The following ELMO1 variants were observed in gnomAD, a reference collection of about 807,000 sequenced individuals.
The protein encoded by ELMO1 is engulfment and cell motility protein 1.
In ELMO1, 26 loss-of-function variants were observed where a neutral mutation model predicts 98.9. That is an observed-to-expected ratio of 0.26 (90% CI 0.19 to 0.36). The LOEUF is 0.36. Ranked by LOEUF, ELMO1 falls within the 10% of genes least tolerant of loss-of-function variation. The pLI, the probability that ELMO1 is intolerant of heterozygous loss-of-function variation, is 1.00. For synonymous variants in ELMO1, 346 were observed against 346.0 expected (o/e 1.00, Z 0.00); for missense variants, 627 against 935.2 (o/e 0.67, Z 4.30).
chr7:37,343,535 C>T (rs1212341821), intron 1 of ELMO1, among the ~76,000 whole-genome samples: 1 of 140,950 alleles, frequency 7.1e-6, no homozygotes. Context: ...GTTCTGTTGC[C>T]CAGTGGCGCA....
chr7:37,116,423 G>C (rs1036869702), intron 14 of ELMO1, among the ~76,000 whole-genome samples: 1 of 152,166 alleles, frequency 6.6e-6, no homozygotes, highest in Non-Finnish European at 1.5e-5. Flanking sequence ...CTGGGTTGGA[G>C]AAATAATGGA....
chr7:37,223,209 C>G (rs1206169390), intron 9 of ELMO1, among the ~76,000 whole-genome samples: 1 of 152,122 alleles, frequency 6.6e-6, no homozygotes, highest in East Asian at 1.9e-4. Context: ...GTTTATAAAT[C>G]TGATTTTCAC....
At chr7:37,193,819 C>A (rs1025011991) in intron 13 of ELMO1, among the ~76,000 whole-genome samples, 2 of 152,166 alleles carry the variant, frequency 1.3e-5, no homozygotes, top group African/African-American at 2.4e-5. Context: ...GATGAGCACA[C>A]ACATGCACAC....
intron 16 of ELMO1, chr7:36,985,797 C>A (rs562401991): frequency 9.4e-4 from 545 of 580,178 alleles, no homozygotes; most frequent in Non-Finnish European, 1.1e-3. Flanking sequence ...CATGGGAACC[C>A]TTGAATGCCC....
At chr7:36,929,169 T>C (rs1159476484) in intron 16 of ELMO1, among the ~76,000 whole-genome samples, 3 of 152,186 alleles carry the variant, frequency 2.0e-5, no homozygotes, top group Admixed American at 2.0e-4. Flanking sequence ...TCTAGGCAGC[T>C]ACAGATTGGG....
chr7:36,996,150 T>C (rs1213690358), intron 16 of ELMO1, among the ~76,000 whole-genome samples: 1 of 152,198 alleles, frequency 6.6e-6, no homozygotes, highest in Non-Finnish European at 1.5e-5. Context: ...CCTTTCCTTT[T>C]CTTTTGGAAA....
At chr7:37,337,421 A>C (rs939158540) in intron 2 of ELMO1, among the ~76,000 whole-genome samples, 6 of 151,908 alleles carry the variant, frequency 3.9e-5, no homozygotes, top group Admixed American at 6.6e-5. Context: ...GATATACCTA[A>C]TGTTAAATGA....
At chr7:37,137,306 C>T (rs867872787) in intron 13 of ELMO1, among the ~76,000 whole-genome samples, 4 of 152,078 alleles carry the variant, frequency 2.6e-5, no homozygotes, top group Non-Finnish European at 4.4e-5. Context: ...ATGATATAGA[C>T]GGCACCACAA....
intron 16 of ELMO1, among the ~76,000 whole-genome samples, chr7:36,948,016 T>C (rs1259144277): frequency 1.3e-5 from 2 of 152,230 alleles, no homozygotes; most frequent in Non-Finnish European, 2.9e-5. Context: ...AAGTGAGTTA[T>C]TGTGCGTTCT....
intron 1 of ELMO1, among the ~76,000 whole-genome samples, chr7:37,383,156 G>A (rs923389542): frequency 4.6e-5 from 7 of 152,184 alleles, no homozygotes; most frequent in South Asian, 2.1e-4. Context: ...TCCCAATAAT[G>A]TCCTTTATTA....
intron 2 of ELMO1, 42 bp from the exon 3 acceptor site, chr7:37,316,002 CAT>C: frequency 7.1e-7 from 1 of 1,409,792 alleles, no homozygotes; most frequent in East Asian, 2.3e-5. Context: ...AGTTTCGTTT[CAT>C]CATTTTAAAT....
At position 36,980,665 on chromosome 7, in the gene ELMO1, C is replaced by A. The variant is rs148362341; in HGVS notation, c.1437+32634G>T. On this transcript the variant is annotated intron_variant, in intron 16 of 21. Transcript: ENST00000310758. ...AATGAGCTAGCAAATTAGTAGACTT[C>A]CAAATCCTGTGGTAATCCAAAGATA... Among the ~76,000 whole-genome samples the A allele has an allele frequency of 1.6e-4, 24 of 152,318 alleles. No individual in the cohort carries two copies. In the East Asian group the frequency reaches 3.1e-3, roughly 20 times the overall value.
At chr7:36,906,934 C>G (rs963619891) in intron 16 of ELMO1, among the ~76,000 whole-genome samples, 3 of 152,066 alleles carry the variant, frequency 2.0e-5, no homozygotes, top group Non-Finnish European at 4.4e-5. Flanking sequence ...CCATTCTTAC[C>G]CTATTGCTTT....
At chr7:37,022,627 G>C (rs1794335785) in intron 15 of ELMO1, among the ~76,000 whole-genome samples, 1 of 152,230 alleles carries the variant, frequency 6.6e-6, no homozygotes, top group Non-Finnish European at 1.5e-5. Flanking sequence ...ATCCACTGTT[G>C]ATGGGAGTGT....
chr7:37,255,510 C>T (rs1016321), intron 6 of ELMO1, among the ~76,000 whole-genome samples: 48,040 of 152,112 alleles, frequency 0.32, 7,721 homozygotes, highest in Middle Eastern at 0.43. Flanking sequence ...AAGCTCCTAG[C>T]AGGCAGTTTC....
chr7:37,247,988 C>T (rs924311161), intron 6 of ELMO1, among the ~76,000 whole-genome samples: 1 of 147,578 alleles, frequency 6.8e-6, no homozygotes, highest in Non-Finnish European at 1.5e-5. Context: ...CCTGAGCATG[C>T]TTATGGTTTT....
intron 2 of ELMO1, among the ~76,000 whole-genome samples, chr7:37,330,879 A>T (rs924006068): frequency 3.3e-5 from 5 of 152,196 alleles, no homozygotes; most frequent in Non-Finnish European, 5.9e-5. Flanking sequence ...TAAGTAAAAT[A>T]AGGGCCATAT....
chr7:37,010,288 G>T (rs983562845), intron 16 of ELMO1, among the ~76,000 whole-genome samples: 2 of 152,192 alleles, frequency 1.3e-5, no homozygotes, highest in Non-Finnish European at 1.5e-5. Context: ...AATACACACT[G>T]GAAATAGGCA....
chr7:37,222,020 A>G (rs1286738828), intron 10 of ELMO1, among the ~76,000 whole-genome samples: 2 of 152,168 alleles, frequency 1.3e-5, no homozygotes, highest in Non-Finnish European at 2.9e-5. Flanking sequence ...GAGAGGAAAC[A>G]GATGGCTCCA....
Sources: allele counts gnomAD v4.1 joint callset (sites outside exome capture counted in the v4.1 genomes callset), GRCh38; gene constraint gnomAD v4.1.1; transcripts MANE v1.5; gene names NCBI Gene and HGNC (gene_info 2026-07-23, HGNC 2026-07-21).